SYTL5: variants seen among roughly 807,000 people sequenced by gnomAD.
The protein encoded by SYTL5 is synaptotagmin like 5.
Under a neutral mutation model 55.9 loss-of-function variants are expected in SYTL5, and 34 were observed. The ratio of observed to expected loss-of-function variants is 0.61; its 90% confidence interval spans 0.46 to 0.81. The LOEUF (loss-of-function observed/expected upper bound fraction) is 0.81. Among genes scored for constraint, SYTL5 ranks in the 30% least tolerant of loss-of-function variants. The pLI is 0.00. For missense variants in SYTL5, 637 were observed against 546.7 expected, an observed-to-expected ratio of 1.17 and a Z score of -1.65; for synonymous variants, 221 against 188.7, an observed-to-expected ratio of 1.17 and a Z score of -1.40.
At chrX:38,039,869 T>G (rs1393681575) in intron 2 of SYTL5, among the ~76,000 whole-genome samples, 1 of 112,031 alleles carries the variant, frequency 8.9e-6, no homozygotes, top group African/African-American at 3.3e-5. Context: ...AAAAAAATTT[T>G]TTTTATTTTT....
At chrX:37,930,422 C>T in the SYTL5 span, among the ~76,000 whole-genome samples, 105 of 111,371 alleles carry the variant, frequency 9.4e-4, 1 homozygote, top group East Asian at 0.022. Context: ...AAAAGCCTAT[C>T]TTTATTCTTT....
At chrX:37,982,678 T>C in the SYTL5 span, among the ~76,000 whole-genome samples, 1 of 111,187 alleles carries the variant, frequency 9.0e-6, no homozygotes. Context: ...AGGGGATGGG[T>C]GGGAGAAAAG....
At chrX:38,007,345 G>T (rs1934025662) in intron 1 of SYTL5, among the ~76,000 whole-genome samples, 1 of 111,138 alleles carries the variant, frequency 9.0e-6, no homozygotes, top group South Asian at 3.7e-4. Flanking sequence ...ATGCATCAGG[G>T]TTTAAAAAAT....
the SYTL5 span, among the ~76,000 whole-genome samples, chrX:37,920,093 G>A: frequency 9.0e-6 from 1 of 111,469 alleles, no homozygotes; most frequent in East Asian, 2.8e-4. Flanking sequence ...ATATTCTGAT[G>A]TTGCCAGGAT....
At chrX:37,894,830 A>G in the SYTL5 span, among the ~76,000 whole-genome samples, 1 of 110,199 alleles carries the variant, frequency 9.1e-6, no homozygotes, top group East Asian at 2.9e-4. Flanking sequence ...TGAGCCTGAG[A>G]CATGCATTCA....
the SYTL5 span, among the ~76,000 whole-genome samples, chrX:37,903,885 T>A: frequency 5.4e-5 from 6 of 111,172 alleles, no homozygotes; most frequent in East Asian, 2.8e-4. Context: ...TCCTTCTTAT[T>A]CCCACAGCAC....
intron 2 of SYTL5, among the ~76,000 whole-genome samples, chrX:38,044,223 C>A (rs780145203): frequency 9.0e-6 from 1 of 111,497 alleles, no homozygotes; most frequent in Non-Finnish European, 1.9e-5. Flanking sequence ...TTTCTTGTAT[C>A]ATGTACTGAT....
intron 6 of SYTL5, among the ~76,000 whole-genome samples, chrX:38,083,853 G>T (rs1050371950): frequency 2.2e-5 from 2 of 91,986 alleles, no homozygotes; most frequent in African/African-American, 4.6e-5. Context: ...TATATATATA[G>T]GTTTTCATCC....
chrX:37,943,996 A>C, the SYTL5 span, among the ~76,000 whole-genome samples: 9 of 110,893 alleles, frequency 8.1e-5, no homozygotes, highest in African/African-American at 3.0e-4. Context: ...TGATTTTCAT[A>C]AACAATTGTT....
the SYTL5 span, among the ~76,000 whole-genome samples, chrX:37,951,146 G>A: frequency 9.1e-6 from 1 of 110,410 alleles, no homozygotes; most frequent in South Asian, 3.8e-4. Flanking sequence ...TGACTAAGAA[G>A]CCCTGTTCTA....
chrX:38,029,341 T>C (rs1308448349), intron 1 of SYTL5, among the ~76,000 whole-genome samples: 1 of 112,563 alleles, frequency 8.9e-6, no homozygotes, highest in Non-Finnish European at 1.9e-5. Context: ...CTTCTTATAA[T>C]ATTTTACCAA....
chrX:38,061,162 C>G (rs768523909), intron 3 of SYTL5, among the ~76,000 whole-genome samples: 8 of 112,119 alleles, frequency 7.1e-5, no homozygotes, highest in Non-Finnish European at 1.5e-4. Flanking sequence ...ATGACAACAA[C>G]TTGTCTTTTA....
At chrX:37,973,769 G>A in the SYTL5 span, among the ~76,000 whole-genome samples, 1 of 110,139 alleles carries the variant, frequency 9.1e-6, no homozygotes, top group Non-Finnish European at 1.9e-5. Context: ...CGAGTAGCTG[G>A]GATTACAGGC....
intron 13 of SYTL5, among the ~76,000 whole-genome samples, chrX:38,112,933 A>G (rs989185910): frequency 1.8e-5 from 2 of 112,242 alleles, no homozygotes; most frequent in Non-Finnish European, 3.8e-5. Flanking sequence ...TTTCCCTAGT[A>G]ATAGGGGATC....
intron 3 of SYTL5, among the ~76,000 whole-genome samples, chrX:38,055,653 A>G (rs1322198694): frequency 8.9e-6 from 1 of 112,026 alleles, no homozygotes; most frequent in African/African-American, 3.2e-5. Flanking sequence ...AGATAGTAGA[A>G]GTGATCTTTC....
chrX:37,917,109 A>G, the SYTL5 span, among the ~76,000 whole-genome samples: 1 of 111,233 alleles, frequency 9.0e-6, no homozygotes, highest in South Asian at 3.8e-4. Context: ...CATTCTCATA[A>G]CATCATATAA....
the SYTL5 span, among the ~76,000 whole-genome samples, chrX:37,900,033 C>T: frequency 8.9e-6 from 1 of 111,796 alleles, no homozygotes; most frequent in African/African-American, 3.3e-5. Flanking sequence ...AAGAGTTGTG[C>T]TTGTCCGTAT....
rs1024581963 is a variant in SYTL5 at position 38,094,307 on chromosome X, G to A, written c.844G>A (p.Glu282Lys). The A allele has an allele frequency of 8.3e-7, 1 of 1,199,998 alleles. No individual in the cohort carries two copies. The highest frequency in any genetic ancestry group is 1.1e-6 in the Non-Finnish European group (1 of 887,365). ...ACTTTGTGGGAAGGAGTATGGTTTT[G>A]AAAATTCCATGGATTTGGCTGCTAT... ...TSVISREYGF[E>K]NSMDLAAIEG... Residue 282 changes from glutamate to lysine, a missense_variant, in exon 8 of 17, where the codon GAA (glutamate) becomes AAA (lysine). Glu to Lys is a moderately conservative substitution (Grantham distance 56, BLOSUM62 1). Coordinates refer to ENST00000297875, the MANE Select transcript of SYTL5 (RefSeq NM_138780.3).
the SYTL5 span, among the ~76,000 whole-genome samples, chrX:37,933,933 A>G: frequency 9.0e-6 from 1 of 111,336 alleles, no homozygotes; most frequent in Non-Finnish European, 1.9e-5. Flanking sequence ...GAGACCCTCA[A>G]CAAAGACTAG....
Sources: allele counts gnomAD v4.1 joint callset (sites outside exome capture counted in the v4.1 genomes callset), GRCh38; gene constraint gnomAD v4.1.1; transcripts MANE v1.5; gene names NCBI Gene and HGNC (gene_info 2026-07-23, HGNC 2026-07-21).